The following WWOX variants were observed in gnomAD, a reference collection of about 807,000 sequenced individuals.
The protein encoded by WWOX is WW domain-containing oxidoreductase.
In WWOX, 69 loss-of-function variants were observed where a neutral mutation model predicts 46.2. The ratio of observed to expected loss-of-function variants is 1.49; its 90% CI spans 1.23 to 1.82. The LOEUF (loss-of-function observed/expected upper bound fraction) is 1.82, where lower values mean the gene tolerates loss of function less well. WWOX is among the 40% of genes most tolerant of loss of function. The pLI is 0.00. For missense variants in WWOX, 919 were observed against 542.6 expected, an observed-to-expected ratio of 1.69 and a Z score of -6.89; for synonymous variants, 359 against 202.6, an observed-to-expected ratio of 1.77 and a Z score of -6.56.
chr16:78,738,211 T>C (rs995831218), intron 8 of WWOX, among the ~76,000 whole-genome samples: 2 of 152,224 alleles, frequency 1.3e-5, no homozygotes, highest in African/African-American at 4.8e-5. Context: ...GAGACTGCAG[T>C]CATTTTAAGA....
In WWOX at chr16:78,921,975, A is replaced by C. The variant is rs116530758; in HGVS notation, c.1057-289633A>C. Among the ~76,000 whole-genome samples, 147 of 152,328 alleles carry C rather than the reference A, an allele frequency of 9.7e-4. 1 individual carries two copies. The highest frequency in any genetic ancestry group is 3.4e-3 in the African/African-American group (141 of 41,574). ...AGACAAATGGGGCAAAGTCCAAGACAAGTACCAGATGTGAAGCTTCTATTG... is the reference window on the plus strand; with the variant it reads ...AGACAAATGGGGCAAAGTCCAAGACCAGTACCAGATGTGAAGCTTCTATTG... On this transcript the variant is annotated intron_variant, in intron 8 of 8. Transcript: ENST00000566780.
chr16:79,175,477 T>C (rs1396715253), intron 8 of WWOX, among the ~76,000 whole-genome samples: 1 of 152,210 alleles, frequency 6.6e-6, no homozygotes, highest in Non-Finnish European at 1.5e-5. Flanking sequence ...AGGAATCACG[T>C]GACAATCTGT....
chr16:78,109,971 T>C lies in WWOX; in HGVS notation c.230+136T>C, dbSNP rs878963999. ...TATCTGTAATCTTAGCAGAAGTGAC[T>C]ACTTTTAACATCGCTGGAACTTTTA... On this transcript the variant is annotated intron_variant, in intron 3 of 8. Transcript: ENST00000566780. The C allele has an allele frequency of 1.3e-5, 12 of 912,920 alleles. No individual in the cohort carries two copies. The Admixed American group carries it at 2.0e-4, about 16-fold the overall frequency. The allele number at this position is 912,920 out of a possible 1,614,324, so 56.6% of individuals were successfully genotyped here. A position where few individuals can be genotyped will look rare whatever the true frequency, so the allele number is the denominator to read the frequency against.
chr16:78,807,768 T>G (rs1281351443), intron 8 of WWOX, among the ~76,000 whole-genome samples: 4 of 152,228 alleles, frequency 2.6e-5, no homozygotes, highest in Admixed American at 2.0e-4. Flanking sequence ...GAGCTGCTTG[T>G]TTGTCTGATA....
chr16:78,949,685 G>A (rs898836340), intron 8 of WWOX, among the ~76,000 whole-genome samples: 8 of 152,332 alleles, frequency 5.3e-5, no homozygotes, highest in African/African-American at 1.7e-4. Context: ...AGGTATACGT[G>A]TGGCTTCTTT....
At chr16:78,124,303 C>T (rs891988198) in intron 4 of WWOX, 1 of 151,834 alleles carries the variant, frequency 6.6e-6, no homozygotes, top group Non-Finnish European at 1.5e-5. Flanking sequence ...CGAGTGTGTT[C>T]GTTGTTTATC....
intron 8 of WWOX, among the ~76,000 whole-genome samples, chr16:78,566,741 A>C (rs1455820801): frequency 6.6e-6 from 1 of 152,216 alleles, no homozygotes; most frequent in East Asian, 1.9e-4. Flanking sequence ...TCCTCCTCCT[A>C]GAATTCCTGC....
intron 8 of WWOX, among the ~76,000 whole-genome samples, chr16:78,742,041 C>A (rs970031949): frequency 2.6e-5 from 4 of 152,150 alleles, no homozygotes; most frequent in African/African-American, 9.7e-5. Context: ...ATAGTTTCAA[C>A]CTGGCAACCC....
intron 8 of WWOX, among the ~76,000 whole-genome samples, chr16:78,984,850 G>A (rs1214153337): frequency 3.9e-5 from 6 of 152,172 alleles, no homozygotes; most frequent in South Asian, 2.1e-4. Context: ...GGAGAAAGAC[G>A]AGGAAGAAGG....
At chr16:78,634,252 G>T (rs927931220) in intron 8 of WWOX, among the ~76,000 whole-genome samples, 1 of 152,204 alleles carries the variant, frequency 6.6e-6, no homozygotes, top group African/African-American at 2.4e-5. Context: ...AGTTAGTTAA[G>T]TGTATGACAA....
At chr16:78,442,441 C>T (rs182048337) in intron 8 of WWOX, among the ~76,000 whole-genome samples, 1 of 152,174 alleles carries the variant, frequency 6.6e-6, no homozygotes, top group African/African-American at 2.4e-5. Context: ...CATTTATCAC[C>T]CCCTCCCACT....
At chr16:78,239,857 C>T (rs1020568991) in intron 5 of WWOX, among the ~76,000 whole-genome samples, 14 of 152,218 alleles carry the variant, frequency 9.2e-5, no homozygotes, top group African/African-American at 3.4e-4. Flanking sequence ...TTTTGAAGCT[C>T]ACTTTTCTTT....
chr16:78,928,833 A>G (rs568947247), intron 8 of WWOX, among the ~76,000 whole-genome samples: 2 of 152,312 alleles, frequency 1.3e-5, no homozygotes, highest in East Asian at 1.9e-4. Flanking sequence ...CTTGAACCCA[A>G]GCTTCTCTGT....
intron 8 of WWOX, chr16:78,996,384 C>CG (rs1555508910): frequency 1.1e-5 from 9 of 787,402 alleles, no homozygotes; most frequent in Admixed American, 8.3e-5. Context: ...CCACCCCCGC[C>CG]CCCCAGCTTC....
chr16:78,383,371 T>A (rs2081995184), intron 5 of WWOX, among the ~76,000 whole-genome samples: 1 of 152,134 alleles, frequency 6.6e-6, no homozygotes, highest in Non-Finnish European at 1.5e-5. Context: ...CCATGTTTTG[T>A]GAATCTATAA....
Position 78,384,569 on chromosome 16 carries a change from T to C in WWOX, c.517-2291T>C, listed in dbSNP as rs1241802976. ...TATTCTTGGTGGCAGTTGCCCTCTT[T>C]ATAGGGGGGATGTGGCGTCACCTTA... On this transcript the variant is annotated intron_variant, in intron 5 of 8. Coordinates refer to ENST00000566780, the MANE Select transcript of WWOX (RefSeq NM_016373.4). Among the ~76,000 whole-genome samples the C allele has an allele frequency of 3.9e-5, 6 of 152,272 alleles. 1 individual carries two copies. Among genetic ancestry groups the C allele is most frequent in the Admixed American group, 2.6e-4 (4 of 15,298 alleles).
At chr16:78,993,128 C>T (rs1567467060) in intron 8 of WWOX, among the ~76,000 whole-genome samples, 1 of 151,896 alleles carries the variant, frequency 6.6e-6, no homozygotes, top group Non-Finnish European at 1.5e-5. Flanking sequence ...GTTTAAATTA[C>T]CAATTTCATA....
chr16:78,526,115 C>G (rs1444898396), intron 8 of WWOX: 2 of 152,190 alleles, frequency 1.3e-5, no homozygotes, highest in African/African-American at 2.4e-5. Flanking sequence ...ACAGATTCTT[C>G]CAGGTCTTCA....
At chr16:78,262,584 T>G (rs2079269858) in intron 5 of WWOX, among the ~76,000 whole-genome samples, 1 of 152,128 alleles carries the variant, frequency 6.6e-6, no homozygotes, top group African/African-American at 2.4e-5. Context: ...CAGCTTACCA[T>G]CCAGCATATA....
Sources: gnomAD v4.1 joint callset for allele counts (sites outside exome capture counted in the v4.1 genomes callset) on GRCh38, gnomAD v4.1.1 for gene constraint, MANE v1.5 for transcripts, NCBI Gene and HGNC (gene_info 2026-07-23, HGNC 2026-07-21) for gene names.